Variants in MBD5 observed in about 807,000 individuals in gnomAD.
The protein encoded by MBD5 is methyl-CpG-binding domain protein 5.
In MBD5, 13 loss-of-function variants were observed where a neutral mutation model predicts 117.3. The observed-to-expected ratio is 0.11, with a 90% CI of 0.07 to 0.18. The LOEUF (loss-of-function observed/expected upper bound fraction) is 0.18, where lower values mean the gene tolerates loss of function less well. Among genes scored for constraint, MBD5 ranks in the 10% least tolerant of loss-of-function variants. The pLI is 1.00. For synonymous variants in MBD5, 727 were observed against 766.4 expected, an observed-to-expected ratio of 0.95 and a Z score of 0.85; for missense variants, 1,879 against 2,093.8, an observed-to-expected ratio of 0.90 and a Z score of 2.00.
At chr2:148,099,849 C>T (rs1475697000) in intron 1 of MBD5, among the ~76,000 whole-genome samples, 1 of 152,136 alleles carries the variant, frequency 6.6e-6, no homozygotes, top group Non-Finnish European at 1.5e-5. Context: ...ATGTATCTTT[C>T]AGCAGGGTAT....
chr2:148,204,717 A>C (rs936035574), intron 2 of MBD5, among the ~76,000 whole-genome samples: 2 of 152,228 alleles, frequency 1.3e-5, no homozygotes, highest in Non-Finnish European at 2.9e-5. Flanking sequence ...ATTTAGCCCA[A>C]ATGTCTTCAA....
chr2:148,294,378 C>T (rs1397258564), intron 3 of MBD5, among the ~76,000 whole-genome samples: 2 of 151,120 alleles, frequency 1.3e-5, no homozygotes, highest in African/African-American at 4.9e-5. Context: ...GTGCCCGCCA[C>T]CACGCCCGGC....
At chr2:148,481,850 G>A (rs187765245) in intron 8 of MBD5, 1 of 152,108 alleles carries the variant, frequency 6.6e-6, no homozygotes, top group African/African-American at 2.4e-5. Context: ...TGCAGCTTGG[G>A]TTGAACATCA....
chr2:148,357,921 C>T (rs566592714), intron 4 of MBD5, among the ~76,000 whole-genome samples: 1 of 152,218 alleles, frequency 6.6e-6, no homozygotes, highest in East Asian at 1.9e-4. Flanking sequence ...CTGCTGTCCT[C>T]TTACCAGGCA....
intron 3 of MBD5, among the ~76,000 whole-genome samples, chr2:148,236,224 G>A (rs2106165239): frequency 6.6e-6 from 1 of 152,242 alleles, no homozygotes; most frequent in African/African-American, 2.4e-5. Flanking sequence ...AAGGAATATT[G>A]CCACATCAAT....
intron 2 of MBD5, among the ~76,000 whole-genome samples, chr2:148,186,191 C>T (rs987096615): frequency 2.0e-5 from 3 of 152,154 alleles, no homozygotes; most frequent in Non-Finnish European, 2.9e-5. Flanking sequence ...GTAATTGAAT[C>T]ATGGGGGCGG....
At position 148,330,051 on chromosome 2, in the gene MBD5, CACACA is replaced by C. The variant is rs1486993578; in HGVS notation, c.-679-12162_-679-12158del. Among the ~76,000 whole-genome samples the C allele has an allele frequency of 6.1e-3, 189 of 31,158 alleles. 10 individuals carry two copies. Among genetic ancestry groups the C allele is most frequent in the East Asian group, 0.027 (28 of 1,046 alleles). The allele number at this position is 31,158 out of a possible 152,430, so 20.4% of individuals were successfully genotyped here. On this transcript the variant is annotated intron_variant, in intron 3 of 13. Transcript: ENST00000642680. ...GGTAAGAACCCCCCCCCGCCCCCCC[CACACA>C]CACACACACACTGCCTAAAGCCCTC... is the stretch of plus-strand genomic sequence containing the variant.
intron 3 of MBD5, among the ~76,000 whole-genome samples, chr2:148,336,446 G>A (rs77522137): frequency 0.11 from 17,244 of 152,072 alleles, 1,292 homozygotes; most frequent in Non-Finnish European, 0.18. Flanking sequence ...GAGTACAAAG[G>A]CTCAATTCTG....
chr2:148,234,716 T>G (rs1700056539), intron 3 of MBD5, among the ~76,000 whole-genome samples: 1 of 152,166 alleles, frequency 6.6e-6, no homozygotes. Context: ...AGAAATAGAT[T>G]CCACTGCTTC....
intron 12 of MBD5, among the ~76,000 whole-genome samples, chr2:148,509,745 G>A (rs986548903): frequency 6.6e-6 from 1 of 152,216 alleles, no homozygotes; most frequent in Non-Finnish European, 1.5e-5. Flanking sequence ...CATGAGGGGC[G>A]TCTCTGGGAG....
chr2:148,072,408 A>G (rs146951532), intron 1 of MBD5, among the ~76,000 whole-genome samples: 68 of 152,342 alleles, frequency 4.5e-4, no homozygotes, highest in African/African-American at 1.6e-3. Flanking sequence ...GACTTCTATT[A>G]TAGAAATCAT....
intron 1 of MBD5, among the ~76,000 whole-genome samples, chr2:148,111,022 T>C (rs948017145): frequency 1.3e-5 from 2 of 152,162 alleles, no homozygotes; most frequent in African/African-American, 4.8e-5. Context: ...CCAAATTTAA[T>C]CGGGGGATAT....
chr2:148,124,015 C>G (rs998305897), intron 1 of MBD5, among the ~76,000 whole-genome samples: 2 of 152,118 alleles, frequency 1.3e-5, no homozygotes, highest in African/African-American at 4.8e-5. Flanking sequence ...CACTGTGGCT[C>G]ATACGTGTAA....
chr2:148,264,617 A>G, intron 3 of MBD5: 1 of 152,194 alleles, frequency 6.6e-6, no homozygotes, highest in Admixed American at 6.5e-5. Flanking sequence ...GAAAAGGAAT[A>G]TTTGGTAATA....
At chr2:148,430,627 A>G (rs1320387835) in intron 4 of MBD5, among the ~76,000 whole-genome samples, 1 of 152,126 alleles carries the variant, frequency 6.6e-6, no homozygotes, top group Non-Finnish European at 1.5e-5. Context: ...TACAAATGTC[A>G]ATTATTTTTA....
At chr2:148,183,713 A>T (rs1698583111) in intron 2 of MBD5, among the ~76,000 whole-genome samples, 1 of 151,984 alleles carries the variant, frequency 6.6e-6, no homozygotes, top group Admixed American at 6.6e-5. Context: ...TTCCCAAGAC[A>T]TTTTGTCAGC....
chr2:148,365,430 T>C (rs1703667472), intron 4 of MBD5, among the ~76,000 whole-genome samples: 2 of 150,740 alleles, frequency 1.3e-5, no homozygotes, highest in South Asian at 4.2e-4. Context: ...TTAAAAGGAG[T>C]AGAGAAGCAA....
chr2:148,397,936 G>C (rs1218151131), intron 4 of MBD5, among the ~76,000 whole-genome samples: 1 of 152,086 alleles, frequency 6.6e-6, no homozygotes, highest in African/African-American at 2.4e-5. Context: ...AGTTTGCAGA[G>C]AATGATGGTT....
chr2:148,417,288 C>CTTTTTTTTTTTTTTTT (rs745409695), intron 4 of MBD5, among the ~76,000 whole-genome samples: 1 of 91,802 alleles, frequency 1.1e-5, no homozygotes, highest in Non-Finnish European at 2.0e-5. Flanking sequence ...ATGCACAGCT[C>CTTTTTTTTTTTTTTTT]TTTTTTTTTT....
Sources: gnomAD v4.1 joint callset for allele counts (sites outside exome capture counted in the v4.1 genomes callset) on GRCh38, gnomAD v4.1.1 for gene constraint, MANE v1.5 for transcripts, NCBI Gene and HGNC (gene_info 2026-07-23, HGNC 2026-07-21) for gene names.